NOL7: variants seen among roughly 807,000 people sequenced by gnomAD.
NOL7 encodes nucleolar protein 7.
A neutral mutation model predicts 38.4 loss-of-function variants in NOL7; 36 were observed. The observed-to-expected ratio is 0.94, with a 90% CI of 0.72 to 1.24. The LOEUF (loss-of-function observed/expected upper bound fraction) is 1.24, where lower values mean the gene tolerates loss of function less well. NOL7 is among the 50% of genes most tolerant of loss of function. NOL7 has a pLI of 0.00. For missense variants in NOL7, 350 were observed against 315.1 expected (o/e 1.11, Z -0.84); for synonymous variants, 142 against 126.5 (o/e 1.12, Z -0.82).
intron 8 of NOL7, among the ~76,000 whole-genome samples, chr6:13,627,338 T>C (rs1216147963): frequency 6.6e-6 from 1 of 152,070 alleles, no homozygotes; most frequent in African/African-American, 2.4e-5. Flanking sequence ...AAACACATTA[T>C]TTTGTTTTTG....
chr6:13,620,602 T>C, intron 7 of NOL7, 117 bp downstream of exon 7: 1 of 1,130,332 alleles, frequency 8.8e-7, no homozygotes, highest in Non-Finnish European at 1.3e-6. Flanking sequence ...TATATTAAGT[T>C]ACTTGTGAAA....
At chr6:13,617,390 TATTAA>T (rs1764321160) in intron 3 of NOL7, among the ~76,000 whole-genome samples, 1 of 152,232 alleles carries the variant, frequency 6.6e-6, no homozygotes, top group South Asian at 2.1e-4. Flanking sequence ...GTGCCTAAAC[TATTAA>T]ATTAATCCTT....
chr6:13,630,791 T>A (rs1176778449), intron 8 of NOL7, among the ~76,000 whole-genome samples: 1 of 151,952 alleles, frequency 6.6e-6, no homozygotes, highest in African/African-American at 2.4e-5. Context: ...AAACCAAGCA[T>A]TAAAGAGACT....
chr6:13,620,178 T>C, intron 5 of NOL7, 30 bp from the exon 6 acceptor site: 1 of 1,585,184 alleles, frequency 6.3e-7, no homozygotes, highest in Non-Finnish European at 8.5e-7. Context: ...CATGTGTAAT[T>C]CTTATTTAAC....
In NOL7 at chr6:13,621,495, G is replaced by GTATC. The variant is rs1329977573; in HGVS notation, c.*670_*673dup. On this transcript the variant is annotated 3_prime_UTR_variant, in exon 8 of 8. Coordinates refer to ENST00000451315, the MANE Select transcript of NOL7 (RefSeq NM_016167.5). ...CTAATATATAAACTCAATTGACACT[G>GTATC]TATCTGTAGAAGTAAATTTTTAATG... The GTATC allele has an allele frequency of 7.9e-5, 12 of 152,686 alleles. No individual in the cohort carries two copies. Among genetic ancestry groups the GTATC allele is most frequent in the Admixed American group, 5.9e-4 (9 of 15,292 alleles). 9.5% of individuals were successfully genotyped at this position (152,686 alleles called of 1,614,324 possible).
In NOL7 at chr6:13,615,451, G is replaced by C. The variant is rs1279837409; in HGVS notation, c.93G>C (p.Ala31=). The part of the protein sequence containing the change: ...EGQLASEEEE[A]EHGLLLGQPS... ...AGCTGGCCTCGGAGGAGGAGGAGGCGGAGCACGGGCTGTTGCTCGGGCAGC... is the reference window on the plus strand; with the variant it reads ...AGCTGGCCTCGGAGGAGGAGGAGGCCGAGCACGGGCTGTTGCTCGGGCAGC... Residue 31 remains alanine (A), a synonymous_variant, in exon 1 of 8, where the codon GCG becomes GCC. Transcript: ENST00000451315. 1.9e-6 allele frequency: 3 copies of C among 1,550,028 alleles called. No individual in the cohort carries two copies. The highest frequency in any genetic ancestry group is 1.7e-6 in the Non-Finnish European group (2 of 1,146,852).
intron 8 of NOL7, among the ~76,000 whole-genome samples, chr6:13,629,734 T>C (rs984597667): frequency 2.0e-5 from 3 of 152,118 alleles, no homozygotes; most frequent in Admixed American, 6.5e-5. Context: ...AAGAGTTCTT[T>C]TGGGAGCCAC....
chr6:13,626,283 A>C (rs916449555), downstream of NOL7, among the ~76,000 whole-genome samples: 1 of 152,200 alleles, frequency 6.6e-6, no homozygotes, highest in Non-Finnish European at 1.5e-5. Context: ...CAACTATCTC[A>C]AGCCACACCT....
At chr6:13,631,363 C>T (rs1042197353) in intron 8 of NOL7, among the ~76,000 whole-genome samples, 1 of 152,198 alleles carries the variant, frequency 6.6e-6, no homozygotes, top group African/African-American at 2.4e-5. Flanking sequence ...ATGTCCTACA[C>T]TTGTGCTATG....
Position 13,618,157 on chromosome 6 carries a change from T to G in NOL7, c.500+18T>G, listed in dbSNP as rs767933519. 4.4e-6 allele frequency: 6 copies of G among 1,371,790 alleles called. No homozygotes were observed. The Admixed American group carries it at 1.1e-4, about 25-fold the overall frequency. The allele number at this position is 1,371,790 out of a possible 1,614,324, so 85.0% of individuals were successfully genotyped here. A position where few individuals can be genotyped will look rare whatever the true frequency, so the allele number is the denominator to read the frequency against. ...TCTGTCAGGTAATGAGTCTTTTGTT[T>G]CATTTGGGATGTAAAGGAGACCTTT... is the stretch of plus-strand genomic sequence containing the variant. On this transcript the variant is annotated intron_variant, in intron 5 of 7. Transcript: ENST00000451315.
chr6:13,615,570 G>C lies in NOL7; in HGVS notation c.212G>C (p.Ser71Thr). ...DEAPEELTFA[S>T]AQAEAREEER... is the part of the protein sequence containing the mutation. ...GCCCCGGAGGAGCTGACTTTCGCCAGCGCCCAGGCGGAAGCGAGAGAAGAG... is the reference window on the plus strand; with the variant it reads ...GCCCCGGAGGAGCTGACTTTCGCCACCGCCCAGGCGGAAGCGAGAGAAGAG... Residue 71 changes from serine (S) to threonine (T), a missense_variant, in exon 1 of 8, where the codon AGC becomes ACC. Physicochemically the swap from Ser to Thr is moderately conservative, Grantham distance 58 (BLOSUM62 1). Transcript: ENST00000451315. 6.4e-7 allele frequency: 1 copy of C among 1,569,296 alleles called. No homozygotes were observed. Among genetic ancestry groups the C allele is most frequent in the Non-Finnish European group, 8.7e-7 (1 of 1,155,768 alleles).
chr6:13,632,381 T>G, intron 8 of NOL7: 2 of 1,607,326 alleles, frequency 1.2e-6, no homozygotes, highest in South Asian at 2.2e-5. Flanking sequence ...TTCAACATTT[T>G]TTTGTTTGCA....
chr6:13,616,546 A>G, intron 3 of NOL7, 25 bp downstream of exon 3: 1 of 1,507,492 alleles, frequency 6.6e-7, no homozygotes, highest in Non-Finnish European at 9.2e-7. Context: ...TTTTTATATT[A>G]CTTGCTTATA....
At chr6:13,627,653 A>AAAAAAAAAAAAAAAAC (rs1764651868) in intron 8 of NOL7, among the ~76,000 whole-genome samples, 1 of 151,560 alleles carries the variant, frequency 6.6e-6, no homozygotes, top group South Asian at 2.1e-4. Flanking sequence ...AAAAAAAAAA[A>AAAAAAAAAAAAAAAAC]ATCACGTTAT....
intron 2 of NOL7, among the ~76,000 whole-genome samples, chr6:13,616,179 A>C (rs896762185): frequency 2.6e-5 from 4 of 152,224 alleles, no homozygotes; most frequent in Non-Finnish European, 1.5e-5. Context: ...CGACACAGAG[A>C]GCTGGCTCCA....
chr6:13,629,938 G>T (rs528582100), intron 8 of NOL7, among the ~76,000 whole-genome samples: 6 of 151,812 alleles, frequency 4.0e-5, no homozygotes, highest in African/African-American at 1.2e-4. Context: ...GTGTGTGTGT[G>T]TGTGTATTTG....
intron 8 of NOL7, among the ~76,000 whole-genome samples, chr6:13,627,830 C>T (rs1027464737): frequency 2.0e-5 from 3 of 152,072 alleles, no homozygotes; most frequent in Admixed American, 6.6e-5. Flanking sequence ...TAGCCTACAT[C>T]CTAACACACC....
Position 13,620,466 on chromosome 6 carries a change from G to A in NOL7, c.681G>A (p.Gln227=). ...KRLPVKRAAV[Q]FLNNAWGIQK... ...TACCAGTGAAAAGAGCTGCTGTCCA[G>A]TTTTTGAATAATGCTTGGGGTAAGA... is the stretch of plus-strand genomic sequence containing the variant. The change falls in exon 7 of 8, where the codon CAG becomes CAA. Residue 227 remains glutamine (Q), a synonymous_variant. Transcript: ENST00000451315. 6.2e-7 allele frequency: 1 copy of A among 1,613,994 alleles called. No individual in the cohort carries two copies. The highest frequency in any genetic ancestry group is 8.5e-7 in the Non-Finnish European group (1 of 1,179,948).
At position 13,615,430 on chromosome 6, in the gene NOL7, G is replaced by T; in HGVS notation, c.72G>T (p.Leu24=). Residue 24 remains leucine, a synonymous_variant, in exon 1 of 8, where the codon CTG becomes CTT. Coordinates refer to ENST00000451315, the MANE Select transcript of NOL7 (RefSeq NM_016167.5). ...SAEAMVDEGQ[L]ASEEEEAEHG... Reference sequence around the variant, plus strand: ...AGGCGATGGTGGACGAGGGCCAGCTGGCCTCGGAGGAGGAGGAGGCGGAGC... The same window carrying T: ...AGGCGATGGTGGACGAGGGCCAGCTTGCCTCGGAGGAGGAGGAGGCGGAGC... 6.5e-7 allele frequency: 1 copy of T among 1,548,252 alleles called. No homozygotes were observed. The highest frequency in any genetic ancestry group is 8.7e-7 in the Non-Finnish European group (1 of 1,146,202).
Sources: allele counts gnomAD v4.1 joint callset (sites outside exome capture counted in the v4.1 genomes callset), GRCh38; gene constraint gnomAD v4.1.1; transcripts MANE v1.5; gene names NCBI Gene and HGNC (gene_info 2026-07-23, HGNC 2026-07-21).